ROBO1: variants seen among roughly 807,000 people sequenced by gnomAD.
ROBO1 encodes the protein roundabout guidance receptor 1.
A neutral mutation model predicts 195.9 loss-of-function variants in ROBO1; 149 were observed. The ratio of observed to expected loss-of-function variants is 0.76; its 90% CI spans 0.67 to 0.87. ROBO1 has a LOEUF of 0.87. ROBO1 is among the 40% of genes least tolerant of loss of function. The pLI is 0.00. For synonymous variants in ROBO1, 816 were observed against 733.2 expected (o/e 1.11, Z -1.82); for missense variants, 1,933 against 2,068.3 (o/e 0.93, Z 1.27).
At chr3:79,231,842 A>G (rs1298461287) in intron 2 of ROBO1, among the ~76,000 whole-genome samples, 3 of 152,182 alleles carry the variant, frequency 2.0e-5, no homozygotes, top group Non-Finnish European at 4.4e-5. Flanking sequence ...AGACTGGATA[A>G]AGAAAATGCA....
intron 2 of ROBO1, among the ~76,000 whole-genome samples, chr3:79,291,095 T>C (rs545493874): frequency 6.6e-6 from 1 of 152,292 alleles, no homozygotes; most frequent in East Asian, 1.9e-4. Flanking sequence ...CCTCAATATA[T>C]CGGTTTGTTA....
intron 2 of ROBO1, among the ~76,000 whole-genome samples, chr3:79,427,227 T>C (rs1299183866): frequency 6.6e-6 from 1 of 152,198 alleles, no homozygotes; most frequent in Non-Finnish European, 1.5e-5. Context: ...AACTTGTACA[T>C]ATGAACAACT....
At chr3:79,494,158 T>C (rs909072471) in intron 2 of ROBO1, among the ~76,000 whole-genome samples, 5 of 152,136 alleles carry the variant, frequency 3.3e-5, no homozygotes, top group African/African-American at 1.2e-4. Context: ...ACACTTTTTT[T>C]CTCCCCACGC....
intron 2 of ROBO1, among the ~76,000 whole-genome samples, chr3:79,251,358 G>T (rs1018497405): frequency 1.3e-5 from 2 of 152,138 alleles, no homozygotes; most frequent in Non-Finnish European, 2.9e-5. Context: ...AAATTGAGAA[G>T]TAATTTGTTT....
intron 2 of ROBO1, among the ~76,000 whole-genome samples, chr3:79,181,221 G>C (rs1377526345): frequency 6.6e-6 from 1 of 152,112 alleles, no homozygotes; most frequent in Non-Finnish European, 1.5e-5. Context: ...CTTTCACTCT[G>C]TGTGAACCCA....
At chr3:79,027,693 C>A (rs1232098220) in intron 3 of ROBO1, among the ~76,000 whole-genome samples, 1 of 151,990 alleles carries the variant, frequency 6.6e-6, no homozygotes, top group East Asian at 1.9e-4. Flanking sequence ...TGGCCACATT[C>A]CAAAAGAAAT....
Position 78,629,657 on chromosome 3 carries a change from C to CAAACCA in ROBO1, c.3626+1503_3626+1504insTGGTTT, listed in dbSNP as rs1553686372. On this transcript the variant is annotated intron_variant, in intron 25 of 30. Coordinates refer to ENST00000464233, the MANE Select transcript of ROBO1 (RefSeq NM_002941.4). ...CCTGTTTCTAAAAACAAAACCAAAC[C>CAAACCA]AACCAAACCAAACCAAACCAAACCA... is the stretch of plus-strand genomic sequence containing the variant. Among the ~76,000 whole-genome samples, 780 of 150,422 alleles carry CAAACCA rather than the reference C, an allele frequency of 5.2e-3. 4 individuals are homozygous for CAAACCA. The highest frequency in any genetic ancestry group is 0.014 in the Middle Eastern group (4 of 288).
chr3:78,658,482 G>A (rs1314860811), intron 17 of ROBO1, among the ~76,000 whole-genome samples: 3 of 152,166 alleles, frequency 2.0e-5, no homozygotes, highest in Non-Finnish European at 2.9e-5. Context: ...GTAGAGACGG[G>A]CTTTCACTGT....
intron 3 of ROBO1, among the ~76,000 whole-genome samples, chr3:79,065,821 T>C (rs1390277220): frequency 2.0e-5 from 3 of 151,984 alleles, no homozygotes; most frequent in Non-Finnish European, 2.9e-5. Flanking sequence ...GTTTTTCTTA[T>C]ACAAACTAAA....
rs757938562 is a variant in ROBO1, at chr3:79,225,514, T to C, written c.89-99975A>G. Among the ~76,000 whole-genome samples the C allele has an allele frequency of 1.3e-4, 20 of 152,312 alleles. No homozygotes were observed. The East Asian group carries it at 1.5e-3, about 12-fold the overall frequency. The stretch of plus-strand genomic sequence containing the variant: ...CAAATTCTAATTTACTATCAACTTC[T>C]TGGAGTTTCCTCTCTGTCTCCTTGT... On this transcript the variant is annotated intron_variant, in intron 2 of 30. Transcript: ENST00000464233.
At chr3:78,743,157 A>C (rs1183156226) in intron 5 of ROBO1, among the ~76,000 whole-genome samples, 1 of 152,172 alleles carries the variant, frequency 6.6e-6, no homozygotes, top group Non-Finnish European at 1.5e-5. Context: ...TAGTGTATGG[A>C]ACATGACATT....
At chr3:79,017,029 C>G (rs1373653890) in intron 3 of ROBO1, among the ~76,000 whole-genome samples, 1 of 152,106 alleles carries the variant, frequency 6.6e-6, no homozygotes, top group Non-Finnish European at 1.5e-5. Flanking sequence ...GAATGACAAC[C>G]TCGAGGAGTT....
chr3:78,732,158 A>C (rs2082300249), intron 5 of ROBO1, among the ~76,000 whole-genome samples: 1 of 152,126 alleles, frequency 6.6e-6, no homozygotes, highest in Non-Finnish European at 1.5e-5. Context: ...GCTTCTATAG[A>C]GGGCTTTCTT....
intron 4 of ROBO1, among the ~76,000 whole-genome samples, chr3:78,793,709 T>C (rs1576177536): frequency 6.6e-6 from 1 of 151,956 alleles, no homozygotes; most frequent in Non-Finnish European, 1.5e-5. Context: ...AAATTTTAGA[T>C]TGGGAGGTAG....
chr3:79,108,624 A>G (rs2079828687), intron 3 of ROBO1, among the ~76,000 whole-genome samples: 1 of 151,824 alleles, frequency 6.6e-6, no homozygotes, highest in African/African-American at 2.4e-5. Context: ...CAATAGGTTA[A>G]AATTTAAAGA....
At chr3:79,616,912 A>C (rs779594972) in intron 1 of ROBO1, among the ~76,000 whole-genome samples, 2 of 152,210 alleles carry the variant, frequency 1.3e-5, no homozygotes, top group Non-Finnish European at 2.9e-5. Context: ...ACTGCAGACC[A>C]GCCACAGAGC....
intron 2 of ROBO1, among the ~76,000 whole-genome samples, chr3:79,540,559 ACT>A (rs1320836043): frequency 6.6e-6 from 1 of 151,870 alleles, no homozygotes; most frequent in Non-Finnish European, 1.5e-5. Flanking sequence ...ATAATAATCT[ACT>A]CTGTTTCATA....
At chr3:79,464,973 A>C (rs1937876649) in intron 2 of ROBO1, among the ~76,000 whole-genome samples, 1 of 152,206 alleles carries the variant, frequency 6.6e-6, no homozygotes, top group South Asian at 2.1e-4. Context: ...GAAAGCAAAG[A>C]GGAGAGAGGG....
chr3:79,721,775 G>A (rs1003026016), intron 1 of ROBO1, among the ~76,000 whole-genome samples: 20 of 152,274 alleles, frequency 1.3e-4, no homozygotes, highest in African/African-American at 4.6e-4. Flanking sequence ...AGAGTCCTGA[G>A]GAAGACTAAC....
Sources: allele counts gnomAD v4.1 joint callset (sites outside exome capture counted in the v4.1 genomes callset), GRCh38; gene constraint gnomAD v4.1.1; transcripts MANE v1.5; gene names NCBI Gene and HGNC (gene_info 2026-07-23, HGNC 2026-07-21).